The following HDAC9 variants were observed in gnomAD, a reference collection of about 807,000 sequenced individuals.
HDAC9 encodes the protein histone deacetylase 9, also known as MEF-2 interacting transcription repressor (MITR) protein.
Under a neutral mutation model 139.4 loss-of-function variants are expected in HDAC9, and 41 were observed. The observed-to-expected ratio is 0.29, with a 90% CI of 0.23 to 0.38. HDAC9 has a LOEUF of 0.38. HDAC9 is among the 10% of genes least tolerant of loss of function. HDAC9 has a pLI of 1.00. For missense variants in HDAC9, 1,147 were observed against 1,297.0 expected, an observed-to-expected ratio of 0.88 and a Z score of 1.78; for synonymous variants, 517 against 476.2, an observed-to-expected ratio of 1.09 and a Z score of -1.12.
Position 18,648,680 on chromosome 7 carries a change from C to T in HDAC9, c.1464C>T (p.Asn488=), listed in dbSNP as rs1241185830. 4.4e-6 allele frequency: 7 copies of T among 1,609,136 alleles called. No individual in the cohort carries two copies. Among genetic ancestry groups the T allele is most frequent in the Non-Finnish European group, 5.9e-6 (7 of 1,177,416 alleles). The stretch of plus-strand genomic sequence containing the variant: ...AATACCAGCAGCAGATCCACATGAA[C>T]AAAGTAAGCCTCCAAGCCAAGTCAA... ...QKQYQQQIHM[N]KLLSKSIEQL... The change falls in exon 11 of 26, where the codon AAC becomes AAT. Residue 488 remains asparagine (N), a synonymous_variant. Coordinates refer to ENST00000686413, the MANE Select transcript of HDAC9 (RefSeq NM_178425.4).
intron 17 of HDAC9, among the ~76,000 whole-genome samples, chr7:18,824,044 GGAAGAAGAAGAAGAA>G (rs1554367872): frequency 3.0e-5 from 2 of 67,118 alleles, no homozygotes; most frequent in South Asian, 1.1e-3. Context: ...AAGAGGAAGA[GGAAGAAGAAGAAGAA>G]GAAGAAGAAG....
chr7:18,527,097 A>G (rs956329587), intron 2 of HDAC9, among the ~76,000 whole-genome samples: 6 of 152,168 alleles, frequency 3.9e-5, no homozygotes, highest in African/African-American at 1.4e-4. Flanking sequence ...GGATTTAATA[A>G]TGAAAGATCA....
At chr7:18,387,072 C>T (rs1786006926) in intron 1 of HDAC9, among the ~76,000 whole-genome samples, 2 of 152,168 alleles carry the variant, frequency 1.3e-5, no homozygotes, top group South Asian at 4.1e-4. Context: ...GAATATGGAG[C>T]TTCCATTTCT....
At chr7:18,603,212 T>A (rs1834460663) in intron 6 of HDAC9, among the ~76,000 whole-genome samples, 1 of 152,102 alleles carries the variant, frequency 6.6e-6, no homozygotes, top group South Asian at 2.1e-4. Context: ...GGGTTTCTTT[T>A]AGGTAATATG....
chr7:18,792,424 GT>G (rs936135992), intron 16 of HDAC9, among the ~76,000 whole-genome samples: 1 of 151,608 alleles, frequency 6.6e-6, no homozygotes, highest in Non-Finnish European at 1.5e-5. Context: ...ATCTGGTACT[GT>G]TTTTTTATGT....
intron 2 of HDAC9, among the ~76,000 whole-genome samples, chr7:18,230,402 C>T (rs1322513702): frequency 6.6e-6 from 1 of 152,164 alleles, no homozygotes; most frequent in Admixed American, 6.5e-5. Context: ...CTTATAGATG[C>T]CTTTGCGTGG....
chr7:18,511,964 G>A (rs906358965), intron 2 of HDAC9, among the ~76,000 whole-genome samples: 5 of 147,066 alleles, frequency 3.4e-5, no homozygotes, highest in African/African-American at 1.3e-4. Context: ...TGCAAGATTG[G>A]TTAAAGGAAA....
intron 2 of HDAC9, among the ~76,000 whole-genome samples, chr7:18,211,671 T>C (rs1791947241): frequency 6.6e-6 from 1 of 152,138 alleles, no homozygotes; most frequent in South Asian, 2.1e-4. Flanking sequence ...AGAATGACTT[T>C]TGTGGTTATG....
intron 1 of HDAC9, among the ~76,000 whole-genome samples, chr7:18,425,257 C>T (rs751551554): frequency 3.1e-4 from 47 of 152,118 alleles, no homozygotes; most frequent in Non-Finnish European, 5.1e-4. Context: ...TTATCGCAGA[C>T]AATTTCATCC....
intron 1 of HDAC9, among the ~76,000 whole-genome samples, chr7:18,157,804 TGAGAGAGAGAGA>T (rs67690215): frequency 0.062 from 6,806 of 109,516 alleles, 251 homozygotes; most frequent in African/African-American, 0.12. Flanking sequence ...TTCTAAGGCA[TGAGAGAGAGAGA>T]GAGAGAGAGA....
At chr7:18,533,930 A>ATT (rs201898079) in intron 2 of HDAC9, among the ~76,000 whole-genome samples, 1 of 151,640 alleles carries the variant, frequency 6.6e-6, no homozygotes, top group Non-Finnish European at 1.5e-5. Flanking sequence ...AGAGTTTAAA[A>ATT]TTTTTTTTTA....
chr7:18,146,052 A>T (rs897238751), intron 1 of HDAC9, among the ~76,000 whole-genome samples: 10 of 152,218 alleles, frequency 6.6e-5, no homozygotes, highest in Non-Finnish European at 1.2e-4. Flanking sequence ...GGTTGGGAAA[A>T]AAAGGAAACA....
At chr7:18,546,670 G>A (rs1409194774) in intron 2 of HDAC9, among the ~76,000 whole-genome samples, 2 of 152,162 alleles carry the variant, frequency 1.3e-5, no homozygotes, top group Non-Finnish European at 2.9e-5. Context: ...TAGTGATGGG[G>A]TGGTATTTTC....
At chr7:18,859,168 G>A (rs1394043011) in intron 21 of HDAC9, among the ~76,000 whole-genome samples, 1 of 152,070 alleles carries the variant, frequency 6.6e-6, no homozygotes, top group Non-Finnish European at 1.5e-5. Context: ...CAAGTATATT[G>A]TGATCATTGC....
At chr7:18,787,434 T>G (rs984179719) in intron 16 of HDAC9, among the ~76,000 whole-genome samples, 2 of 152,214 alleles carry the variant, frequency 1.3e-5, no homozygotes, top group African/African-American at 2.4e-5. Flanking sequence ...TCAAAACTGA[T>G]AGATTTTAAT....
chr7:18,701,551 G>C (rs1399581165), intron 12 of HDAC9, among the ~76,000 whole-genome samples: 1 of 152,058 alleles, frequency 6.6e-6, no homozygotes, highest in East Asian at 1.9e-4. Flanking sequence ...ATGTCCGTTA[G>C]ATATATACTA....
intron 21 of HDAC9, among the ~76,000 whole-genome samples, chr7:18,846,590 C>T (rs551582499): frequency 6.6e-6 from 1 of 152,116 alleles, no homozygotes; most frequent in Non-Finnish European, 1.5e-5. Flanking sequence ...TTCAGAAGTA[C>T]GAAGACTTAT....
chr7:18,443,830 A>AT (rs1792024590), intron 1 of HDAC9, among the ~76,000 whole-genome samples: 1 of 151,410 alleles, frequency 6.6e-6, no homozygotes, highest in Admixed American at 6.6e-5. Context: ...ATATATACAC[A>AT]TTTGTATAAA....
At chr7:18,434,208 C>T (rs1430492592) in intron 1 of HDAC9, among the ~76,000 whole-genome samples, 2 of 152,128 alleles carry the variant, frequency 1.3e-5, no homozygotes, top group Non-Finnish European at 2.9e-5. Context: ...ACTAGCTATC[C>T]GTATGCAGAA....
Sources: gnomAD v4.1 joint callset for allele counts (sites outside exome capture counted in the v4.1 genomes callset) on GRCh38, gnomAD v4.1.1 for gene constraint, MANE v1.5 for transcripts, NCBI Gene and HGNC (gene_info 2026-07-23, HGNC 2026-07-21) for gene names.